Variants in RALGPS1 observed in about 807,000 individuals in gnomAD.
RALGPS1 encodes Ral GEF with PH domain and SH3 binding motif 1.
A neutral mutation model predicts 78.8 loss-of-function variants in RALGPS1; 19 were observed. The ratio of observed to expected loss-of-function variants is 0.24; its 90% CI spans 0.17 to 0.35. The LOEUF (loss-of-function observed/expected upper bound fraction) is 0.35. RALGPS1 is among the 10% of genes least tolerant of loss of function. The probability of loss-of-function intolerance (pLI) is 1.00; values close to 1 mark genes in which losing one functional copy is unlikely to be tolerated. For missense variants in RALGPS1, 454 were observed against 688.3 expected (o/e 0.66, Z 3.81); for synonymous variants, 228 against 256.3 (o/e 0.89, Z 1.06).
intron 1 of RALGPS1, among the ~76,000 whole-genome samples, chr9:126,939,393 A>T (rs1278797175): frequency 6.6e-6 from 1 of 152,230 alleles, no homozygotes; most frequent in Non-Finnish European, 1.5e-5. Flanking sequence ...ACTGGGGATG[A>T]AATAACAGTA....
At chr9:127,101,193 T>C (rs187186147) in intron 8 of RALGPS1, among the ~76,000 whole-genome samples, 119 of 152,386 alleles carry the variant, frequency 7.8e-4, no homozygotes, top group African/African-American at 2.8e-3. Context: ...GTGATGATCA[T>C]GTATCTAGAG....
chr9:127,167,337 A>C (rs895150551), intron 9 of RALGPS1, among the ~76,000 whole-genome samples: 3 of 152,218 alleles, frequency 2.0e-5, no homozygotes, highest in African/African-American at 7.2e-5. Flanking sequence ...CTGTATTCCC[A>C]GTGCAGGTTT....
intron 1 of RALGPS1, among the ~76,000 whole-genome samples, chr9:126,916,578 C>A (rs1054659886): frequency 2.0e-5 from 3 of 152,072 alleles, no homozygotes; most frequent in African/African-American, 7.2e-5. Flanking sequence ...GTCAGGAGTC[C>A]GAGACCAGCC....
chr9:127,210,630 T>G, intron 14 of RALGPS1: 1 of 1,269,992 alleles, frequency 7.9e-7, no homozygotes. Context: ...GGGGTGCTCT[T>G]GCCTCCTTCA....
chr9:127,216,863 C>T (rs1318656453), intron 18 of RALGPS1: 2 of 1,473,364 alleles, frequency 1.4e-6, no homozygotes, highest in South Asian at 2.8e-5. Context: ...GAGGGCCGCT[C>T]TCTTAAGAGC....
At chr9:126,957,355 G>A (rs1428199973) in intron 1 of RALGPS1, among the ~76,000 whole-genome samples, 1 of 145,440 alleles carries the variant, frequency 6.9e-6, no homozygotes, top group East Asian at 2.3e-4. Flanking sequence ...GGGCCAGGCT[G>A]AGCAGTTTGA....
intron 7 of RALGPS1, among the ~76,000 whole-genome samples, chr9:127,056,661 C>G (rs963913321): frequency 6.6e-6 from 1 of 152,164 alleles, no homozygotes; most frequent in South Asian, 2.1e-4. Flanking sequence ...GGTAACAGCA[C>G]GCAGGGTGGA....
intron 8 of RALGPS1, among the ~76,000 whole-genome samples, chr9:127,084,785 G>A (rs1741531490): frequency 1.3e-5 from 2 of 152,226 alleles, no homozygotes; most frequent in Non-Finnish European, 2.9e-5. Context: ...CCCTTTGCAG[G>A]GATGATCTTG....
intron 1 of RALGPS1, among the ~76,000 whole-genome samples, chr9:126,944,706 A>C (rs1181443762): frequency 6.6e-6 from 1 of 152,186 alleles, no homozygotes; most frequent in Non-Finnish European, 1.5e-5. Context: ...TTACATAACC[A>C]CAGTACTATT....
chr9:127,078,432 A>G (rs528289851), intron 8 of RALGPS1, among the ~76,000 whole-genome samples: 11 of 152,314 alleles, frequency 7.2e-5, no homozygotes, highest in Admixed American at 5.2e-4. Flanking sequence ...ACCCAACATC[A>G]TATCCCAGGC....
intron 4 of RALGPS1, among the ~76,000 whole-genome samples, chr9:127,002,645 G>T: frequency 7.6e-6 from 1 of 130,882 alleles, no homozygotes. Context: ...CCCTTCCTGT[G>T]TCCATGTGAT....
intron 8 of RALGPS1, among the ~76,000 whole-genome samples, chr9:127,132,828 A>G (rs2057098748): frequency 6.6e-6 from 1 of 152,238 alleles, no homozygotes; most frequent in Non-Finnish European, 1.5e-5. Context: ...CCATATAGTA[A>G]GTACCTAATT....
intron 8 of RALGPS1, among the ~76,000 whole-genome samples, chr9:127,098,016 C>T (rs1159867937): frequency 2.0e-5 from 3 of 152,226 alleles, no homozygotes; most frequent in Non-Finnish European, 4.4e-5. Flanking sequence ...TTATCCCTTT[C>T]TGTTTCCTTT....
At chr9:127,082,221 A>T (rs896242955) in intron 8 of RALGPS1, among the ~76,000 whole-genome samples, 1 of 152,186 alleles carries the variant, frequency 6.6e-6, no homozygotes, top group African/African-American at 2.4e-5. Flanking sequence ...CACAAGTAGG[A>T]TGTTCGGAGT....
intron 5 of RALGPS1, among the ~76,000 whole-genome samples, chr9:127,049,632 C>G (rs1374011618): frequency 6.6e-6 from 1 of 152,248 alleles, no homozygotes; most frequent in East Asian, 1.9e-4. Context: ...ATATACATGT[C>G]CCTTTGGCTC....
In RALGPS1 at chr9:127,073,852, G is replaced by A. The variant is rs779615891; in HGVS notation, c.610+4496G>A. Among the ~76,000 whole-genome samples, 5 of 151,850 alleles carry A rather than the reference G, an allele frequency of 3.3e-5. No homozygotes were observed. The South Asian group carries it at 1.0e-3, about 32-fold the overall frequency. On this transcript the variant is annotated intron_variant, in intron 8 of 18. Transcript: ENST00000259351. Reference sequence around the variant, plus strand: ...TTTGCATTTATTTTATAAATCTTTGGCTATAGTTTAGATTTTAATTTTTTA... The same window carrying A: ...TTTGCATTTATTTTATAAATCTTTGACTATAGTTTAGATTTTAATTTTTTA...
Position 127,212,169 on chromosome 9 carries a change from C to A in RALGPS1, c.1286C>A (p.Ala429Glu). 6.2e-7 allele frequency: 1 copy of A among 1,613,916 alleles called. No individual in the cohort carries two copies. The highest frequency in any genetic ancestry group is 1.7e-5 in the Admixed American group (1 of 60,014). Residue 429 changes from alanine (A) to glutamate (E), a missense_variant, in exon 15 of 19, where the codon GCA becomes GAA. Transcript: ENST00000259351. This position sits in a 1 kb window ranked among gnomAD's most constrained non-coding sequence, Gnocchi z 6.0. ...GPCICSLGNS[A>E]AVPTMEGPLR... ...TGCATCTGTTCTCTGGGGAACTCCG[C>A]AGCTGTGCCCACCATGGAGGGGCCT...
chr9:126,934,766 C>G (rs2036110543), intron 1 of RALGPS1, among the ~76,000 whole-genome samples: 1 of 152,158 alleles, frequency 6.6e-6, no homozygotes, highest in Non-Finnish European at 1.5e-5. Context: ...GTTCCCCCAA[C>G]AGCTGGGCTT....
intron 4 of RALGPS1, among the ~76,000 whole-genome samples, 191 bp from the exon 5 acceptor site, chr9:127,034,240 T>G (rs1166128992): frequency 6.6e-6 from 1 of 152,168 alleles, no homozygotes. Flanking sequence ...CCAGTTATCC[T>G]CATTTCTGGT....
Sources: allele counts gnomAD v4.1 joint callset (sites outside exome capture counted in the v4.1 genomes callset), GRCh38; gene constraint gnomAD v4.1.1; non-coding constraint Gnocchi (gnomAD v3.1); transcripts MANE v1.5; gene names NCBI Gene and HGNC (gene_info 2026-07-23, HGNC 2026-07-21).